PECR: variants seen among roughly 807,000 people sequenced by gnomAD.
PECR encodes the protein peroxisomal trans-2-enoyl-CoA reductase, also known as 2,4-dienoyl-CoA reductase-related protein.
A neutral mutation model predicts 35.3 loss-of-function variants in PECR; 30 were observed. That is an observed-to-expected ratio of 0.85 (90% CI 0.64 to 1.15). The LOEUF is 1.15. Ranked by LOEUF, PECR falls within the 50% of genes most tolerant of loss-of-function variation. PECR has a pLI of 0.00. For synonymous variants in PECR, 148 were observed against 138.9 expected (o/e 1.07, Z -0.46); for missense variants, 392 against 370.8 (o/e 1.06, Z -0.47).
chr2:216,051,281 CAAAAAA>C (rs147574036), intron 5 of PECR, among the ~76,000 whole-genome samples, 162 bp downstream of exon 5: 4 of 93,162 alleles, frequency 4.3e-5, no homozygotes, highest in Non-Finnish European at 6.1e-5. Flanking sequence ...GACTCCATCT[CAAAAAA>C]AAAAAAAAAA....
intron 1 of PECR, among the ~76,000 whole-genome samples, chr2:216,066,881 C>G (rs1695478314): frequency 6.6e-6 from 1 of 152,114 alleles, no homozygotes; most frequent in Admixed American, 6.5e-5. Flanking sequence ...TAAAAAAAAG[C>G]TGAATTAGGA....
chr2:216,040,795 T>C (rs1401142366), intron 7 of PECR, among the ~76,000 whole-genome samples: 1 of 152,036 alleles, frequency 6.6e-6, no homozygotes, highest in Non-Finnish European at 1.5e-5. Flanking sequence ...TGCTTGAACC[T>C]GGGAGGCAGA....
intron 1 of PECR, among the ~76,000 whole-genome samples, chr2:216,068,941 T>C (rs1048270396): frequency 3.3e-5 from 5 of 150,492 alleles, no homozygotes; most frequent in African/African-American, 4.9e-5. Flanking sequence ...GCAAAAATAA[T>C]AACAACATAT....
At chr2:216,066,160 A>G (rs990998038) in intron 2 of PECR, among the ~76,000 whole-genome samples, 3 of 151,658 alleles carry the variant, frequency 2.0e-5, no homozygotes, top group Admixed American at 2.0e-4. Flanking sequence ...TTAAAGGACA[A>G]AAGGCCATCT....
intron 5 of PECR, among the ~76,000 whole-genome samples, chr2:216,049,653 G>C (rs560094387): frequency 6.6e-6 from 1 of 152,284 alleles, no homozygotes; most frequent in Admixed American, 6.5e-5. Flanking sequence ...TCATGATTGT[G>C]TAAGTAAATG....
Position 216,039,361 on chromosome 2 carries a change from C to A in PECR, c.827-1G>T. 6.3e-7 allele frequency: 1 copy of A among 1,582,910 alleles called. No individual in the cohort carries two copies. Among genetic ancestry groups the A allele is most frequent in the South Asian group, 1.1e-5 (1 of 90,454 alleles). On this transcript the variant is annotated splice_acceptor_variant, in intron 7 of 7. Coordinates refer to ENST00000265322, the MANE Select transcript of PECR (RefSeq NM_018441.6). LOFTEE classifies it high-confidence loss of function. ...GCTCCCTTGGGCCAGTTGTCATGATCTGTTAAAGAAGTGGAAAGCCTCCTG... is the reference window on the plus strand; with the variant it reads ...GCTCCCTTGGGCCAGTTGTCATGATATGTTAAAGAAGTGGAAAGCCTCCTG...
intron 6 of PECR, 87 bp downstream of exon 6, chr2:216,049,176 G>A (rs540003865): frequency 6.0e-5 from 47 of 786,982 alleles, no homozygotes; most frequent in Admixed American, 2.2e-4. Context: ...AAATAATGTC[G>A]TCCAGACCGC....
chr2:216,048,225 C>T (rs1306996832), intron 6 of PECR, among the ~76,000 whole-genome samples: 1 of 151,942 alleles, frequency 6.6e-6, no homozygotes, highest in African/African-American at 2.4e-5. Flanking sequence ...CAGGTGTCCG[C>T]CACCACACCC....
intron 7 of PECR, among the ~76,000 whole-genome samples, chr2:216,031,675 GAAAGAAAGAAAGAA>G (rs1559204100): frequency 4.0e-4 from 19 of 47,052 alleles, no homozygotes; most frequent in African/African-American, 6.8e-4. Flanking sequence ...AAGAAAGAAA[GAAAGAAAGAAAGAA>G]AGAGAAAGAA....
intron 1 of PECR, among the ~76,000 whole-genome samples, chr2:216,074,354 C>T (rs943460772): frequency 6.6e-6 from 1 of 151,778 alleles, no homozygotes; most frequent in Non-Finnish European, 1.5e-5. Flanking sequence ...GACTAAGCCA[C>T]GAGAATTGCT....
intron 4 of PECR, among the ~76,000 whole-genome samples, chr2:216,056,935 G>A (rs1695239689): frequency 6.6e-6 from 1 of 151,970 alleles, no homozygotes; most frequent in African/African-American, 2.4e-5. Context: ...AAAGCAAGAA[G>A]TATCTGAAAC....
chr2:216,059,801 T>C (rs1290766445), intron 3 of PECR, among the ~76,000 whole-genome samples: 1 of 152,200 alleles, frequency 6.6e-6, no homozygotes, highest in Non-Finnish European at 1.5e-5. Context: ...TACCACACTG[T>C]CTTAAAATCA....
At chr2:216,060,612 A>G (rs1695319780) in intron 3 of PECR, among the ~76,000 whole-genome samples, 1 of 152,160 alleles carries the variant, frequency 6.6e-6, no homozygotes, top group African/African-American at 2.4e-5. Context: ...GCAGTGGGCT[A>G]TGCAGCCTTG....
At chr2:216,063,602 A>T (rs1034004040) in intron 3 of PECR, among the ~76,000 whole-genome samples, 4 of 152,192 alleles carry the variant, frequency 2.6e-5, no homozygotes, top group African/African-American at 9.6e-5. Context: ...TGTGTGACAG[A>T]GCGAGACTCT....
chr2:216,046,276 GTATATATATATACATACA>G (rs1559209153), intron 6 of PECR, among the ~76,000 whole-genome samples: 11 of 106,698 alleles, frequency 1.0e-4, no homozygotes, highest in African/African-American at 3.7e-4. Flanking sequence ...ACCACATAAA[GTATATATATATACATACA>G]TATATATATA....
intron 2 of PECR, 143 bp from the exon 3 acceptor site, chr2:216,065,620 CAATG>C (rs1196697825): frequency 1.5e-6 from 1 of 678,422 alleles, no homozygotes; most frequent in African/African-American, 1.8e-5. Flanking sequence ...GAACATGCAG[CAATG>C]AATAAGACTA....
chr2:216,080,493 C>T (rs1354781854), intron 1 of PECR, among the ~76,000 whole-genome samples: 1 of 152,156 alleles, frequency 6.6e-6, no homozygotes, highest in African/African-American at 2.4e-5. Flanking sequence ...TACATCCTTG[C>T]ATGAAAATCT....
At chr2:216,062,665 C>A (rs1695379147) in intron 3 of PECR, among the ~76,000 whole-genome samples, 1 of 151,944 alleles carries the variant, frequency 6.6e-6, no homozygotes, top group East Asian at 1.9e-4. Context: ...GTAGAAAGGG[C>A]AGAGAAGCAC....
At chr2:216,037,513 G>A (rs1694814716), downstream of PECR, among the ~76,000 whole-genome samples, 1 of 152,184 alleles carries the variant, frequency 6.6e-6, no homozygotes, top group Non-Finnish European at 1.5e-5. Flanking sequence ...GATATTATCA[G>A]TTCCAGAAGG....
Sources: gnomAD v4.1 joint callset for allele counts (sites outside exome capture counted in the v4.1 genomes callset) on GRCh38, gnomAD v4.1.1 for gene constraint, MANE v1.5 for transcripts, NCBI Gene and HGNC (gene_info 2026-07-23, HGNC 2026-07-21) for gene names.